MEIKIN: variants seen among roughly 807,000 people sequenced by gnomAD.
MEIKIN encodes meiosis-specific kinetochore protein.
intron 4 of MEIKIN, among the ~76,000 whole-genome samples, chr5:131,934,421 T>C (rs1200280571): frequency 2.0e-5 from 3 of 152,080 alleles, no homozygotes; most frequent in Admixed American, 2.0e-4. Flanking sequence ...CACACATAGA[T>C]AAGCAACTGA....
intron 8 of MEIKIN, among the ~76,000 whole-genome samples, chr5:131,885,378 A>G (rs1750772057): frequency 1.2e-5 from 1 of 85,318 alleles, no homozygotes; most frequent in African/African-American, 4.4e-5. Context: ...AGAGAGAGAG[A>G]GAGAGAGAGA....
chr5:131,860,355 T>C (rs1750262658), intron 9 of MEIKIN, among the ~76,000 whole-genome samples: 1 of 151,708 alleles, frequency 6.6e-6, no homozygotes, highest in African/African-American at 2.4e-5. Flanking sequence ...TGATTTTTTT[T>C]CAGATATTAT....
chr5:131,889,031 C>T (rs1463923809), intron 8 of MEIKIN, among the ~76,000 whole-genome samples: 1 of 152,078 alleles, frequency 6.6e-6, no homozygotes, highest in African/African-American at 2.4e-5. Flanking sequence ...AGATAAGTGG[C>T]ATTATTTCTG....
chr5:131,807,841 A>G (rs1396852788), intron 12 of MEIKIN, among the ~76,000 whole-genome samples: 2 of 152,212 alleles, frequency 1.3e-5, no homozygotes, highest in African/African-American at 2.4e-5. Context: ...AAATCAGCCG[A>G]TATCAATGGC....
At chr5:131,873,502 G>T (rs1750546345) in intron 9 of MEIKIN, among the ~76,000 whole-genome samples, 1 of 152,126 alleles carries the variant, frequency 6.6e-6, no homozygotes, top group Admixed American at 6.5e-5. Flanking sequence ...CATAAAGCAA[G>T]TCCTTAGTGA....
rs981514118 is a variant in MEIKIN, at chr5:131,911,818, A to C, written c.700T>G (p.Ser234Ala). The change falls in exon 8 of 13, where the codon TCA becomes GCA. Residue 234 changes from serine to alanine, a missense_variant. By Grantham distance (99) the Ser-to-Ala change is moderately conservative. Transcript: ENST00000442687. ...AATTAGTTTCATTATTTGTTACCTGATTCTGAATTTGAAGCACACTTTGCT... is the reference window on the plus strand; with the variant it reads ...AATTAGTTTCATTATTTGTTACCTGCTTCTGAATTTGAAGCACACTTTGCT... ...PKAKCASNSE[S>A]DNAACEILLA... is the part of the protein sequence containing the mutation. 6 of 397,740 alleles carry C rather than the reference A, an allele frequency of 1.5e-5. No homozygotes were observed. The East Asian group carries it at 2.1e-4, about 14-fold the overall frequency. The allele number at this position is 397,740 out of a possible 1,614,324, so 24.6% of individuals were successfully genotyped here. A position where few individuals can be genotyped will look rare whatever the true frequency, so the allele number is the denominator to read the frequency against.
At chr5:131,938,044 G>A (rs1751811006) in intron 4 of MEIKIN, among the ~76,000 whole-genome samples, 1 of 151,396 alleles carries the variant, frequency 6.6e-6, no homozygotes, top group Admixed American at 6.6e-5. Context: ...ACTCTATAAT[G>A]TCTGAACTAC....
At chr5:131,890,774 G>C (rs558178950) in intron 8 of MEIKIN, among the ~76,000 whole-genome samples, 73 of 152,162 alleles carry the variant, frequency 4.8e-4, no homozygotes, top group Admixed American at 1.0e-3. Context: ...GAATGTGTTT[G>C]CTCTTGCCTC....
chr5:131,944,647 A>G lies in MEIKIN; in HGVS notation c.288+18T>C, dbSNP rs1331549558. On this transcript the variant is annotated intron_variant, in intron 3 of 12. Transcript: ENST00000442687. ...CTACACTAAGTGTGTCCAAGGACTAAAAGAGAAGCATACATACACGCAACG... is the reference window on the plus strand; with the variant it reads ...CTACACTAAGTGTGTCCAAGGACTAGAAGAGAAGCATACATACACGCAACG... The G allele has an allele frequency of 1.5e-5, 6 of 398,958 alleles. No individual in the cohort carries two copies. 24.7% of individuals were successfully genotyped at this position (398,958 alleles called of 1,614,324 possible).
intron 10 of MEIKIN, among the ~76,000 whole-genome samples, chr5:131,853,316 T>C (rs1304358749): frequency 1.3e-5 from 2 of 152,186 alleles, no homozygotes; most frequent in African/African-American, 4.8e-5. Context: ...TTACAAAAGA[T>C]ACTGGATTTC....
chr5:131,831,548 C>T lies in MEIKIN; in HGVS notation c.976-12685G>A, dbSNP rs114035127. Among the ~76,000 whole-genome samples, 788 of 152,048 alleles carry T rather than the reference C, an allele frequency of 5.2e-3. 4 individuals carry two copies. The highest frequency in any genetic ancestry group is 0.017 in the African/African-American group (722 of 41,562). Reference sequence around the variant, plus strand: ...TACAGCCGGGGTGACAGAGCAACAACGTGTCTCAATCAATCAATCAATCAA... The same window carrying T: ...TACAGCCGGGGTGACAGAGCAACAATGTGTCTCAATCAATCAATCAATCAA... On this transcript the variant is annotated intron_variant, in intron 11 of 12. Transcript: ENST00000442687.
chr5:131,856,979 T>G (rs1016182154), intron 9 of MEIKIN, among the ~76,000 whole-genome samples: 2 of 151,686 alleles, frequency 1.3e-5, no homozygotes, highest in Non-Finnish European at 2.9e-5. Context: ...TATTATACTT[T>G]AAGTTTTAGG....
intron 9 of MEIKIN, among the ~76,000 whole-genome samples, chr5:131,857,102 G>T (rs556626741): frequency 6.6e-6 from 1 of 152,120 alleles, no homozygotes; most frequent in South Asian, 2.1e-4. Flanking sequence ...TGGGAAGACG[G>T]AACCTTGACT....
chr5:131,865,094 T>C (rs978645686), intron 9 of MEIKIN, among the ~76,000 whole-genome samples: 2 of 152,178 alleles, frequency 1.3e-5, no homozygotes, highest in East Asian at 3.8e-4. Context: ...TATCCATCTC[T>C]TTGGTAAATT....
At chr5:131,856,847 A>T (rs1249321207) in intron 9 of MEIKIN, among the ~76,000 whole-genome samples, 8 of 151,608 alleles carry the variant, frequency 5.3e-5, no homozygotes, top group Non-Finnish European at 1.2e-4. Context: ...CTTTTCAAAA[A>T]ATATTAGTTA....
intron 3 of MEIKIN, among the ~76,000 whole-genome samples, chr5:131,943,944 C>T (rs1179872482): frequency 6.6e-6 from 1 of 151,788 alleles, no homozygotes; most frequent in Non-Finnish European, 1.5e-5. Flanking sequence ...CTGGAGAAAC[C>T]CCCTCTATAC....
At chr5:131,812,677 C>G (rs1773017346) in intron 12 of MEIKIN, among the ~76,000 whole-genome samples, 1 of 151,956 alleles carries the variant, frequency 6.6e-6, no homozygotes, top group African/African-American at 2.4e-5. Flanking sequence ...AGGCCCAGAA[C>G]AAGAGAATCA....
chr5:131,885,055 T>C lies in MEIKIN; in HGVS notation c.704-6007A>G, dbSNP rs558699128. 2.0e-5 allele frequency among the ~76,000 whole-genome samples: 3 copies of C among 152,182 alleles called. No individual in the cohort carries two copies. In the East Asian group the frequency reaches 5.8e-4, roughly 29 times the overall value. On this transcript the variant is annotated intron_variant, in intron 8 of 12. Coordinates refer to ENST00000442687, the MANE Select transcript of MEIKIN (RefSeq NM_001303622.2). ...AACTGCTAAGGGTTTTCACTCTAAT[T>C]CCTGGCTCATGGACAGCCACTCTGG... is the stretch of plus-strand genomic sequence containing the variant.
chr5:131,842,495 GT>G (rs1448574014), intron 11 of MEIKIN, among the ~76,000 whole-genome samples: 2 of 151,992 alleles, frequency 1.3e-5, no homozygotes, highest in African/African-American at 4.8e-5. Context: ...TTTGTTGAGA[GT>G]TTTTATCATT....
Sources: gnomAD v4.1 joint callset for allele counts (sites outside exome capture counted in the v4.1 genomes callset) on GRCh38, gnomAD v4.1.1 for gene constraint, MANE v1.5 for transcripts, NCBI Gene and HGNC (gene_info 2026-07-23, HGNC 2026-07-21) for gene names.